The following NCKAP5 variants were observed in gnomAD, a reference collection of about 807,000 sequenced individuals.
The protein encoded by NCKAP5 is nck-associated protein 5.
In NCKAP5, 92 loss-of-function variants were observed where a neutral mutation model predicts 167.0. The observed-to-expected ratio is 0.55, with a 90% CI of 0.47 to 0.66. NCKAP5 has a LOEUF of 0.66. Among genes scored for constraint, NCKAP5 ranks in the 30% least tolerant of loss-of-function variants. The pLI is 0.00. For synonymous variants in NCKAP5, 891 were observed against 877.4 expected (o/e 1.02, Z -0.27); for missense variants, 2,378 against 2,315.0 (o/e 1.03, Z -0.56).
chr2:132,765,826 G>T (rs958713296), intron 16 of NCKAP5, among the ~76,000 whole-genome samples: 1 of 152,166 alleles, frequency 6.6e-6, no homozygotes, highest in African/African-American at 2.4e-5. Flanking sequence ...CCAAGCACTG[G>T]CCAATGGGAT....
chr2:133,002,607 C>T (rs1308579121), intron 6 of NCKAP5, among the ~76,000 whole-genome samples: 1 of 152,138 alleles, frequency 6.6e-6, no homozygotes, highest in Non-Finnish European at 1.5e-5. Context: ...ATATGTCCTG[C>T]CCACTGGGTA....
At position 133,025,358 on chromosome 2, in the gene NCKAP5, G is replaced by GA. The variant is rs2078660791; in HGVS notation, c.342-31120dup. On this transcript the variant is annotated intron_variant, in intron 6 of 19. Transcript: ENST00000409261. ...TTGCTTTATTTTGGCTTCGGAGAAA[G>GA]AAAAAGCTTCTACTTTGCATGCTTC... Among the ~76,000 whole-genome samples, 4 of 152,288 alleles carry GA rather than the reference G, an allele frequency of 2.6e-5. No homozygotes were observed. The South Asian group carries it at 6.2e-4, about 24-fold the overall frequency.
rs1234908232 is a variant in NCKAP5, at chr2:133,470,170, G to T, written c.69+47288C>A. Among the ~76,000 whole-genome samples, 6 of 152,218 alleles carry T rather than the reference G, an allele frequency of 3.9e-5. No homozygotes were observed. In the East Asian group the frequency reaches 7.7e-4, roughly 20 times the overall value. ...TCTACTTTTGGTCTTTGATGATGGT[G>T]ATGTACAGATGGGTTTTCGATGTGG... On this transcript the variant is annotated intron_variant, in intron 3 of 19. Coordinates refer to ENST00000409261, the MANE Select transcript of NCKAP5 (RefSeq NM_207363.3).
chr2:132,991,804 A>T (rs1248280443), intron 7 of NCKAP5, among the ~76,000 whole-genome samples: 1 of 152,184 alleles, frequency 6.6e-6, no homozygotes, highest in Non-Finnish European at 1.5e-5. Context: ...CCATATTATG[A>T]AGCAATAAAT....
At chr2:133,251,576 T>G (rs1287838627) in intron 4 of NCKAP5, among the ~76,000 whole-genome samples, 4 of 152,180 alleles carry the variant, frequency 2.6e-5, no homozygotes, top group African/African-American at 7.2e-5. Flanking sequence ...ATAAAATCAT[T>G]CATTATTGAC....
chr2:133,318,341 T>C (rs1276759783), intron 3 of NCKAP5, among the ~76,000 whole-genome samples: 3 of 152,320 alleles, frequency 2.0e-5, no homozygotes, highest in East Asian at 3.9e-4. Context: ...ATCTGTTTCT[T>C]GGCTTCTTCT....
At chr2:133,529,342 A>G (rs73960257) in intron 2 of NCKAP5, among the ~76,000 whole-genome samples, 4,441 of 152,180 alleles carry the variant, frequency 0.029, 118 homozygotes, top group South Asian at 0.059. Flanking sequence ...CTCTTTCTAT[A>G]TAAGTGGCAT....
the NCKAP5 span, among the ~76,000 whole-genome samples, chr2:133,665,117 T>A: frequency 6.6e-6 from 1 of 152,228 alleles, no homozygotes; most frequent in African/African-American, 2.4e-5. Context: ...ATAACAGCAA[T>A]GGAGCCTGTT....
At chr2:133,476,888 C>A (rs1488986191) in intron 3 of NCKAP5, among the ~76,000 whole-genome samples, 1 of 152,170 alleles carries the variant, frequency 6.6e-6, no homozygotes, top group African/African-American at 2.4e-5. Flanking sequence ...ATAATTACCT[C>A]TTTTCTTTCA....
intron 3 of NCKAP5, among the ~76,000 whole-genome samples, chr2:133,508,449 AT>A (rs538830266): frequency 2.3e-3 from 346 of 152,222 alleles, no homozygotes; most frequent in African/African-American, 7.9e-3. Flanking sequence ...ATGTGACAAG[AT>A]TTTTTTTAAA....
intron 7 of NCKAP5, among the ~76,000 whole-genome samples, chr2:132,975,546 A>C (rs1207832850): frequency 1.6e-4 from 24 of 152,222 alleles, no homozygotes; most frequent in Non-Finnish European, 2.9e-5. Context: ...CTTTACATAA[A>C]GGGAAACTCT....
intron 3 of NCKAP5, among the ~76,000 whole-genome samples, chr2:133,496,246 T>G (rs7575707): frequency 0.037 from 5,672 of 152,236 alleles, 365 homozygotes; most frequent in African/African-American, 0.13. Flanking sequence ...AGGTGATACA[T>G]GGGCACCTCT....
intron 16 of NCKAP5, among the ~76,000 whole-genome samples, chr2:132,747,131 C>T (rs1164355731): frequency 6.7e-6 from 1 of 149,760 alleles, no homozygotes; most frequent in African/African-American, 2.5e-5. Flanking sequence ...TAAATTATAC[C>T]TCCATGAACC....
chr2:133,129,092 C>CCT (rs71398585), intron 6 of NCKAP5, among the ~76,000 whole-genome samples: 15 of 144,000 alleles, frequency 1.0e-4, no homozygotes, highest in Non-Finnish European at 2.0e-4. Context: ...TTTGGCTGGC[C>CCT]TTTTTTTTTT....
intron 9 of NCKAP5, among the ~76,000 whole-genome samples, chr2:132,874,252 G>A (rs1488406492): frequency 6.6e-6 from 1 of 151,906 alleles, no homozygotes; most frequent in Non-Finnish European, 1.5e-5. Context: ...AGGCCTACAG[G>A]CTCCCACCAC....
the NCKAP5 span, among the ~76,000 whole-genome samples, chr2:133,656,881 T>C: frequency 6.9e-6 from 1 of 144,574 alleles, no homozygotes; most frequent in Admixed American, 6.7e-5. Flanking sequence ...ACCCAAGCAG[T>C]ATACATTGCA....
Position 133,225,779 on chromosome 2 carries a change from C to CTTTTTTT in NCKAP5, c.144-12007_144-12001dup, listed in dbSNP as rs1003972708. ...CAGGTGTGGGTCATCATGCCCTGTT[C>CTTTTTTT]TTTTTTTTTTTTTTTTTTTTTTTTT... On this transcript the variant is annotated intron_variant, in intron 4 of 19. Transcript: ENST00000409261. 2.8e-4 allele frequency among the ~76,000 whole-genome samples: 11 copies of CTTTTTTT among 39,732 alleles called. 5 individuals carry two copies. Among genetic ancestry groups the CTTTTTTT allele is most frequent in the African/African-American group, 4.6e-4 (5 of 10,936 alleles). 26.1% of individuals were successfully genotyped at this position (39,732 alleles called of 152,430 possible).
chr2:132,889,942 C>T (rs72992883), intron 8 of NCKAP5, among the ~76,000 whole-genome samples: 1,815 of 152,100 alleles, frequency 0.012, 44 homozygotes, highest in African/African-American at 0.041. Context: ...AGAAGATGTC[C>T]TCTGAAGGCA....
At chr2:133,290,728 CTTT>C (rs58758295) in intron 4 of NCKAP5, among the ~76,000 whole-genome samples, 8 of 89,366 alleles carry the variant, frequency 9.0e-5, no homozygotes, top group African/African-American at 2.2e-4. Context: ...AGAATTTCTC[CTTT>C]TTTTTTTTTT....
Sources: allele counts gnomAD v4.1 joint callset (sites outside exome capture counted in the v4.1 genomes callset), GRCh38; gene constraint gnomAD v4.1.1; transcripts MANE v1.5; gene names NCBI Gene and HGNC (gene_info 2026-07-23, HGNC 2026-07-21).